UTP6: variants seen among roughly 807,000 people sequenced by gnomAD.
UTP6 encodes the protein UTP6 small subunit processome component, also known as U3 small nucleolar RNA-associated protein 6 homolog.
Under a neutral mutation model 96.5 loss-of-function variants are expected in UTP6, and 60 were observed. The observed-to-expected ratio is 0.62, with a 90% CI of 0.51 to 0.77. The LOEUF is 0.77. Among genes scored for constraint, UTP6 ranks in the 30% least tolerant of loss-of-function variants. The pLI, the probability that UTP6 is intolerant of heterozygous loss-of-function variation, is 0.00. For synonymous variants in UTP6, 215 were observed against 240.1 expected, an observed-to-expected ratio of 0.90 and a Z score of 0.96; for missense variants, 637 against 706.5, an observed-to-expected ratio of 0.90 and a Z score of 1.12.
At chr17:31,891,448 AATGTAGTCT>A (rs1229307938) in intron 6 of UTP6, among the ~76,000 whole-genome samples, 1 of 152,196 alleles carries the variant, frequency 6.6e-6, no homozygotes, top group African/African-American at 2.4e-5. Flanking sequence ...ACTGGTGCCA[AATGTAGTCT>A]ATTTGAGTCT....
chr17:31,878,888 T>A (rs1269121495), intron 11 of UTP6, 107 bp from the exon 12 acceptor site: 1 of 1,018,404 alleles, frequency 9.8e-7, no homozygotes, highest in Non-Finnish European at 1.5e-6. Context: ...CACCTTTACT[T>A]CAAGGGGAAA....
intron 11 of UTP6, chr17:31,880,327 A>T: frequency 2.3e-6 from 1 of 430,636 alleles, no homozygotes; most frequent in Non-Finnish European, 4.3e-6. Flanking sequence ...AGGCTGAGGC[A>T]GGAGAATTGC....
intron 8 of UTP6, 66 bp from the exon 9 acceptor site, chr17:31,886,127 A>G: frequency 7.2e-7 from 1 of 1,397,788 alleles, no homozygotes; most frequent in African/African-American, 1.4e-5. Flanking sequence ...TAGGACGAAA[A>G]TTAACAATCC....
chr17:31,891,601 A>G (rs1173694493), intron 6 of UTP6, among the ~76,000 whole-genome samples: 1 of 152,214 alleles, frequency 6.6e-6, no homozygotes, highest in Non-Finnish European at 1.5e-5. Flanking sequence ...TCTACTCTGT[A>G]CCAGCACTCT....
At chr17:31,886,728 A>G (rs1911167157) in intron 8 of UTP6, 1 of 152,900 alleles carries the variant, frequency 6.5e-6, no homozygotes, top group Non-Finnish European at 1.5e-5. Flanking sequence ...TCTCAGCTCT[A>G]ACATTCTAAA....
chr17:31,896,545 T>C (rs1185807135), intron 2 of UTP6, among the ~76,000 whole-genome samples: 3 of 152,200 alleles, frequency 2.0e-5, no homozygotes, highest in Non-Finnish European at 4.4e-5. Flanking sequence ...TCTTTATATA[T>C]GTGTATATGT....
At chr17:31,886,138 T>C in intron 8 of UTP6, 77 bp from the exon 9 acceptor site, 3 of 1,241,562 alleles carry the variant, frequency 2.4e-6, no homozygotes, top group Admixed American at 3.8e-5. Flanking sequence ...TTAACAATCC[T>C]AGACTACCTG....
chr17:31,887,027 T>C (rs916274563), intron 8 of UTP6, among the ~76,000 whole-genome samples: 1 of 151,398 alleles, frequency 6.6e-6, no homozygotes, highest in African/African-American at 2.4e-5. Flanking sequence ...TGTAACAACA[T>C]TAAACATTAA....
chr17:31,884,308 T>C, intron 10 of UTP6, 116 bp downstream of exon 10: 1 of 839,306 alleles, frequency 1.2e-6, no homozygotes, highest in South Asian at 2.1e-5. Flanking sequence ...AATATTAGCT[T>C]TTATTCCAGG....
Position 31,897,038 on chromosome 17 carries a change from A to G in UTP6, c.178-2027T>C, listed in dbSNP as rs532910032. Among the ~76,000 whole-genome samples the G allele has an allele frequency of 3.9e-5, 6 of 151,924 alleles. No homozygotes were observed. The East Asian group carries it at 7.8e-4, about 20-fold the overall frequency. On this transcript the variant is annotated intron_variant, in intron 2 of 18. Coordinates refer to ENST00000261708, the MANE Select transcript of UTP6 (RefSeq NM_018428.3). ...CACTGGCTCAAGTCTGTAATTCCCA[A>G]AACTCTGGTACGGCAAGGCAGGAGG... is the stretch of plus-strand genomic sequence containing the variant.
intron 17 of UTP6, among the ~76,000 whole-genome samples, chr17:31,866,071 C>A (rs904372078): frequency 6.6e-6 from 1 of 151,966 alleles, no homozygotes; most frequent in African/African-American, 2.4e-5. Context: ...GTGGCTCACA[C>A]GGTCAGGAGA....
chr17:31,887,101 T>G (rs982047827), intron 8 of UTP6, 135 bp downstream of exon 8: 5 of 710,634 alleles, frequency 7.0e-6, no homozygotes, highest in East Asian at 5.8e-5. Flanking sequence ...CCAGCCTGTG[T>G]GACAGACCGA....
At position 31,880,567 on chromosome 17, in the gene UTP6, G is replaced by A. The variant is rs778928842; in HGVS notation, c.967+6C>T. 2.5e-6 allele frequency: 4 copies of A among 1,614,094 alleles called. No homozygotes were observed. The highest frequency in any genetic ancestry group is 3.4e-6 in the Non-Finnish European group (4 of 1,180,000). On this transcript the variant is annotated splice_donor_region_variant and intron_variant, in intron 11 of 18. Transcript: ENST00000261708. ...CTATATCACACCATGGTTTGGTGAA[G>A]TTCACCTGTTGGCAGAGTCTTCACT...
chr17:31,892,626 T>G lies in UTP6; in HGVS notation c.360+121A>C. 4.3e-6 allele frequency: 5 copies of G among 1,170,118 alleles called. No individual in the cohort carries two copies. In the South Asian group the frequency reaches 6.9e-5, roughly 16 times the overall value. 72.5% of individuals were successfully genotyped at this position (1,170,118 alleles called of 1,614,324 possible). A position where few individuals can be genotyped will look rare whatever the true frequency, so the allele number is the denominator to read the frequency against. On this transcript the variant is annotated intron_variant, in intron 5 of 18. Transcript: ENST00000261708. Reference sequence around the variant, plus strand: ...TCCAATGTTATATTGATGTTCCGCCTTCTTGGGTTCTTTTTTCATGTTAAC... The same window carrying G: ...TCCAATGTTATATTGATGTTCCGCCGTCTTGGGTTCTTTTTTCATGTTAAC...
intron 6 of UTP6, among the ~76,000 whole-genome samples, chr17:31,890,601 G>A (rs1479171770): frequency 1.3e-5 from 2 of 151,672 alleles, no homozygotes; most frequent in African/African-American, 4.8e-5. Flanking sequence ...CTGGGCGACA[G>A]AGCAAGACTC....
At position 31,885,396 on chromosome 17, in the gene UTP6, T is replaced by C. The variant is rs972974605; in HGVS notation, c.703+584A>G. ...CTGACCTCAGGTGATCCACCTGCCT[T>C]GGCCTCCCAAAGTGCTGGGATTACA... On this transcript the variant is annotated intron_variant, in intron 9 of 18. Transcript: ENST00000261708. 2.2e-3 allele frequency among the ~76,000 whole-genome samples: 335 copies of C among 151,562 alleles called. 2 individuals carry two copies. Among genetic ancestry groups the C allele is most frequent in the African/African-American group, 7.5e-3 (312 of 41,428 alleles).
chr17:31,897,443 C>CTTTTTTTTT (rs397857995), intron 2 of UTP6, among the ~76,000 whole-genome samples: 8 of 103,216 alleles, frequency 7.8e-5, no homozygotes, highest in Non-Finnish European at 9.7e-5. Flanking sequence ...AACTTCTAGT[C>CTTTTTTTTT]TTTTTTTTTT....
chr17:31,885,128 C>T (rs561489933), intron 9 of UTP6: 1 of 152,188 alleles, frequency 6.6e-6, no homozygotes, highest in South Asian at 2.1e-4. Flanking sequence ...AAATCTCAGA[C>T]ATCACCACTA....
At chr17:31,876,827 C>T (rs1173280093) in intron 13 of UTP6, among the ~76,000 whole-genome samples, 1 of 151,900 alleles carries the variant, frequency 6.6e-6, no homozygotes, top group African/African-American at 2.4e-5. Flanking sequence ...GCTTAGCCAA[C>T]ATGGTGAAAC....
Sources: allele counts gnomAD v4.1 joint callset (sites outside exome capture counted in the v4.1 genomes callset), GRCh38; gene constraint gnomAD v4.1.1; transcripts MANE v1.5; gene names NCBI Gene and HGNC (gene_info 2026-07-23, HGNC 2026-07-21).